Variants in TRAF3IP1 observed in about 807,000 individuals in gnomAD.
TRAF3IP1 encodes the protein TRAF3-interacting protein 1.
Under a neutral mutation model 89.9 loss-of-function variants are expected in TRAF3IP1, and 53 were observed. The ratio of observed to expected loss-of-function variants is 0.59; its 90% CI spans 0.47 to 0.74. TRAF3IP1 has a LOEUF of 0.74. Ranked by LOEUF, TRAF3IP1 falls within the 30% of genes least tolerant of loss-of-function variation. The pLI, the probability that TRAF3IP1 is intolerant of heterozygous loss-of-function variation, is 0.00. For missense variants in TRAF3IP1, 806 were observed against 866.1 expected (o/e 0.93, Z 0.87); for synonymous variants, 311 against 322.1 (o/e 0.97, Z 0.37).
chr2:238,355,941 T>G, intron 14 of TRAF3IP1, 63 bp from the exon 15 acceptor site: 1 of 1,252,686 alleles, frequency 8.0e-7, no homozygotes, highest in Non-Finnish European at 1.2e-6. Flanking sequence ...ATCCCACCCA[T>G]TTAGAATAGG....
rs114755800 is a variant in TRAF3IP1, at chr2:238,369,701, G to C, written c.1689+13621G>C. 2.7e-3 allele frequency among the ~76,000 whole-genome samples: 414 copies of C among 152,284 alleles called. 2 individuals carry two copies. The highest frequency in any genetic ancestry group is 9.4e-3 in the African/African-American group (391 of 41,572). On this transcript the variant is annotated intron_variant, in intron 15 of 16. Transcript: ENST00000373327. ...CTGCAGACGCTCTCCGTGGCCTCTC[G>C]ATGTGGATGCTGTCTGCCAGCTTCT...
chr2:238,368,021 A>C (rs1487648997), intron 15 of TRAF3IP1, among the ~76,000 whole-genome samples: 1 of 146,904 alleles, frequency 6.8e-6, no homozygotes, highest in Non-Finnish European at 1.5e-5. Flanking sequence ...AGTGTTAGTT[A>C]GTATTTTTGT....
intron 15 of TRAF3IP1, among the ~76,000 whole-genome samples, chr2:238,367,755 C>G (rs1699945930): frequency 6.6e-6 from 1 of 152,108 alleles, no homozygotes; most frequent in Non-Finnish European, 1.5e-5. Context: ...GTCCCTTGCC[C>G]AAGGCCTTGC....
rs370780799 is a variant in TRAF3IP1 at position 238,362,579 on chromosome 2, G to A, written c.1689+6499G>A. ...GAGGGAGAAAAGGGAGGAAGGAGAAGGCCTGCCCTTCTCCTTCAGGATATT... is the reference window on the plus strand; with the variant it reads ...GAGGGAGAAAAGGGAGGAAGGAGAAAGCCTGCCCTTCTCCTTCAGGATATT... On this transcript the variant is annotated intron_variant, in intron 15 of 16. Coordinates refer to ENST00000373327, the MANE Select transcript of TRAF3IP1 (RefSeq NM_015650.4). Among the ~76,000 whole-genome samples the A allele has an allele frequency of 6.6e-5, 10 of 152,288 alleles. No individual in the cohort carries two copies. The East Asian group carries it at 1.2e-3, about 18-fold the overall frequency.
rs548165864 is a variant in TRAF3IP1, at chr2:238,397,559, C to T, written c.1790C>T (p.Ala597Val). 27 of 1,613,064 alleles carry T rather than the reference C, an allele frequency of 1.7e-5. No individual in the cohort carries two copies. Among genetic ancestry groups the T allele is most frequent in the Middle Eastern group, 1.7e-4 (1 of 6,058 alleles). Reference sequence around the variant, plus strand: ...TCCATCCAGACCCTGTGCAAGAGCGCACTTCCCCTGGGGAAGATCATGGAC... The same window carrying T: ...TCCATCCAGACCCTGTGCAAGAGCGTACTTCCCCTGGGGAAGATCATGGAC... ...RTSIQTLCKS[A>V]LPLGKIMDYI... Residue 597 changes from alanine (A) to valine (V), a missense_variant, in exon 16 of 17, where the codon GCA becomes GTA. Physicochemically the swap from Ala to Val is moderately conservative, Grantham distance 64 (BLOSUM62 0). This residue lies in a region of TRAF3IP1 where 732 missense variants were observed against 780.5 expected (regional missense o/e 0.94). Transcript: ENST00000373327.
chr2:238,376,785 A>C (rs1241618501), intron 15 of TRAF3IP1, among the ~76,000 whole-genome samples: 6 of 152,226 alleles, frequency 3.9e-5, no homozygotes, highest in African/African-American at 1.2e-4. Context: ...AACCAGCTTC[A>C]TTTAAAACTG....
chr2:238,375,358 T>G (rs1700272586), intron 15 of TRAF3IP1, among the ~76,000 whole-genome samples: 1 of 152,240 alleles, frequency 6.6e-6, no homozygotes, highest in South Asian at 2.1e-4. Context: ...TCAAAGAACA[T>G]CTTTATTTCT....
chr2:238,343,223 C>T (rs1698738749), intron 8 of TRAF3IP1, among the ~76,000 whole-genome samples: 1 of 152,088 alleles, frequency 6.6e-6, no homozygotes, highest in African/African-American at 2.4e-5. Context: ...GTGGCTGGGA[C>T]TACAGGCATG....
intron 15 of TRAF3IP1, among the ~76,000 whole-genome samples, chr2:238,376,674 G>C (rs1202698528): frequency 1.3e-5 from 2 of 152,174 alleles, no homozygotes; most frequent in South Asian, 2.1e-4. Flanking sequence ...AGATTTATAT[G>C]TGGGTATTTA....
chr2:238,338,265 A>G (rs1432396987), intron 7 of TRAF3IP1, 97 bp from the exon 8 acceptor site: 1 of 643,096 alleles, frequency 1.6e-6, no homozygotes. Flanking sequence ...TTTGCTGGTG[A>G]CCTTGGTGTA....
At chr2:238,372,718 C>T (rs1437783690) in intron 15 of TRAF3IP1, among the ~76,000 whole-genome samples, 4 of 152,246 alleles carry the variant, frequency 2.6e-5, no homozygotes, top group Non-Finnish European at 5.9e-5. Context: ...CTGTCTTCCA[C>T]AACGGCTGAA....
chr2:238,340,813 G>A (rs72980171), intron 8 of TRAF3IP1, among the ~76,000 whole-genome samples: 7,365 of 42,248 alleles, frequency 0.17, 353 homozygotes, highest in African/African-American at 0.34. Flanking sequence ...ACAGTTATGC[G>A]TGTGTGTGTG....
rs1360278678 is a variant in TRAF3IP1 at position 238,345,169 on chromosome 2, G to A, written c.1261+571G>A. 6.6e-6 allele frequency among the ~76,000 whole-genome samples: 1 copy of A among 152,210 alleles called. No individual in the cohort carries two copies. The highest frequency in any genetic ancestry group is 1.5e-5 in the Non-Finnish European group (1 of 68,040). Reference sequence around the variant, plus strand: ...TTGTGCAGGTGGCAGCGGCAGGGTGGGGTGTGGCCAGGGGAGGGCTGATGT... The same window carrying A: ...TTGTGCAGGTGGCAGCGGCAGGGTGAGGTGTGGCCAGGGGAGGGCTGATGT... On this transcript the variant is annotated intron_variant, in intron 9 of 16. Transcript: ENST00000373327. The surrounding 1 kb of genome is among the most constrained non-coding windows in gnomAD (Gnocchi z 4.7).
chr2:238,375,083 C>A (rs543903986), intron 15 of TRAF3IP1, among the ~76,000 whole-genome samples: 29 of 152,250 alleles, frequency 1.9e-4, no homozygotes, highest in Admixed American at 4.6e-4. Flanking sequence ...AAAACCAGCT[C>A]CTGGATTCAT....
At chr2:238,384,375 T>TGTAG (rs1165102474) in intron 15 of TRAF3IP1, among the ~76,000 whole-genome samples, 1 of 128,538 alleles carries the variant, frequency 7.8e-6, no homozygotes, top group African/African-American at 2.9e-5. Flanking sequence ...TATGTATGTA[T>TGTAG]GTATGTATAT....
intron 15 of TRAF3IP1, among the ~76,000 whole-genome samples, chr2:238,374,498 C>CTT (rs761939233): frequency 6.6e-6 from 1 of 151,926 alleles, no homozygotes; most frequent in Non-Finnish European, 1.5e-5. Context: ...GGTGGATAAG[C>CTT]TTTTTTTTGA....
At chr2:238,321,506 C>A (rs901760181) in intron 1 of TRAF3IP1, among the ~76,000 whole-genome samples, 1 of 152,200 alleles carries the variant, frequency 6.6e-6, no homozygotes, top group East Asian at 1.9e-4. Context: ...ACAGCCTGCC[C>A]TACGTTGAGA....
rs1248721853 is a variant in TRAF3IP1, at chr2:238,399,770, A to G, written c.*851A>G. ...CCTTTGCATGGGTGTGCATACCGAG[A>G]GACAGGCAGCTTAGGAAAAACAACA... On this transcript the variant is annotated 3_prime_UTR_variant, in exon 17 of 17. Coordinates refer to ENST00000373327, the MANE Select transcript of TRAF3IP1 (RefSeq NM_015650.4). 6.6e-6 allele frequency: 1 copy of G among 152,156 alleles called. No homozygotes were observed. Among genetic ancestry groups the G allele is most frequent in the Non-Finnish European group, 1.5e-5 (1 of 68,028 alleles). 9.4% of individuals were successfully genotyped at this position (152,156 alleles called of 1,614,324 possible). A position where few individuals can be genotyped will look rare whatever the true frequency, so the allele number is the denominator to read the frequency against.
In TRAF3IP1 at chr2:238,332,983, G is replaced by A. The variant is rs114824503; in HGVS notation, c.987+88G>A. 3,805 of 960,670 alleles carry A rather than the reference G, an allele frequency of 4.0e-3. 17 individuals carry two copies. The highest frequency in any genetic ancestry group is 0.013 in the Middle Eastern group (62 of 4,676). The allele number at this position is 960,670 out of a possible 1,614,324, so 59.5% of individuals were successfully genotyped here. ...CTGTGCGCTCCCCGGGTCCACTGAG[G>A]CATGGAAGGAGCACATGGTCTGGGC... On this transcript the variant is annotated intron_variant, in intron 6 of 16. Transcript: ENST00000373327.
Sources: allele counts gnomAD v4.1 joint callset (sites outside exome capture counted in the v4.1 genomes callset), GRCh38; gene constraint gnomAD v4.1.1; regional missense constraint gnomAD v4.1.1; non-coding constraint Gnocchi (gnomAD v3.1); transcripts MANE v1.5; gene names NCBI Gene and HGNC (gene_info 2026-07-23, HGNC 2026-07-21).